Variants in ADGRL3 observed in about 807,000 individuals in gnomAD.
The protein encoded by ADGRL3 is adhesion G protein-coupled receptor L3.
ADGRL3 carries 62 observed loss-of-function variants against 153.5 expected under a neutral mutation model. The observed-to-expected ratio is 0.40, with a 90% confidence interval of 0.33 to 0.50. The LOEUF (loss-of-function observed/expected upper bound fraction) is 0.50. Ranked by LOEUF, ADGRL3 falls within the 20% of genes least tolerant of loss-of-function variation. ADGRL3 has a pLI of 0.47. For missense variants in ADGRL3, 1,641 were observed against 1,859.4 expected, an observed-to-expected ratio of 0.88 and a Z score of 2.16; for synonymous variants, 710 against 672.5, an observed-to-expected ratio of 1.06 and a Z score of -0.86.
chr4:61,772,578 G>C (rs1580751189), intron 8 of ADGRL3, among the ~76,000 whole-genome samples: 1 of 152,150 alleles, frequency 6.6e-6, no homozygotes. Context: ...ATTTGATGAA[G>C]TGTGCAGTTA....
At chr4:61,827,720 T>C (rs926398630) in intron 9 of ADGRL3, among the ~76,000 whole-genome samples, 1 of 152,212 alleles carries the variant, frequency 6.6e-6, no homozygotes, top group South Asian at 2.1e-4. Flanking sequence ...TTAGAATTGT[T>C]GGACATGTCA....
intron 19 of ADGRL3, among the ~76,000 whole-genome samples, chr4:61,984,760 C>T (rs1445770290): frequency 6.6e-6 from 1 of 152,116 alleles, no homozygotes; most frequent in Non-Finnish European, 1.5e-5. Flanking sequence ...GATCCACCTG[C>T]CTCAGCCTCC....
Position 61,730,625 on chromosome 4 carries a change from TG to T in ADGRL3, c.589del (p.Glu197AsnfsTer11). On this transcript the variant is annotated frameshift_variant, in exon 7 of 27. Coordinates refer to ENST00000683033, the MANE Select transcript of ADGRL3 (RefSeq NM_001387552.1). LOFTEE classifies it high-confidence loss of function. The part of the protein sequence containing the change: ...EVQYECVPYK[V>X]EQKVFLCPGL... Reference sequence around the variant, plus strand: ...TTTACTTCTCTCTCTCCAATAGAAGTGGAACAAAAAGGTAATTAAATACCTT... The same window carrying T: ...TTTACTTCTCTCTCTCCAATAGAAGTGAACAAAAAGGTAATTAAATACCTT... 1 of 567,382 alleles carries T rather than the reference TG, an allele frequency of 1.8e-6. No individual in the cohort carries two copies. The highest frequency in any genetic ancestry group is 3.3e-5 in the South Asian group (1 of 30,362). 35.1% of individuals were successfully genotyped at this position (567,382 alleles called of 1,614,324 possible).
At chr4:61,518,859 C>A (rs890852419) in intron 4 of ADGRL3, among the ~76,000 whole-genome samples, 1 of 152,134 alleles carries the variant, frequency 6.6e-6, no homozygotes, top group Non-Finnish European at 1.5e-5. Context: ...TTTTCCCTTT[C>A]TGTTTTATTT....
At chr4:62,024,802 C>T (rs995361543) in intron 21 of ADGRL3, among the ~76,000 whole-genome samples, 3 of 151,758 alleles carry the variant, frequency 2.0e-5, no homozygotes, top group East Asian at 1.9e-4. Context: ...TGGTGGTATG[C>T]GCCTGTATTC....
intron 1 of ADGRL3, among the ~76,000 whole-genome samples, chr4:61,252,309 A>C (rs1233423729): frequency 2.6e-5 from 4 of 152,180 alleles, no homozygotes; most frequent in Non-Finnish European, 4.4e-5. Context: ...TAAAAGCTAT[A>C]AGGAACAACA....
rs1295089209 is a variant in ADGRL3 at position 62,075,532 on chromosome 4, G to A, written c.*4624G>A. 2 of 152,118 alleles carry A rather than the reference G, an allele frequency of 1.3e-5. No individual in the cohort carries two copies. Among genetic ancestry groups the A allele is most frequent in the Non-Finnish European group, 2.9e-5 (2 of 68,024 alleles). The allele number at this position is 152,118 out of a possible 1,614,324, so 9.4% of individuals were successfully genotyped here. A position where few individuals can be genotyped will look rare whatever the true frequency, so the allele number is the denominator to read the frequency against. ...AAATTTTTGAGATAACAATATATAT[G>A]AAGTTCCCAGTACATTGTAGACCAA... On this transcript the variant is annotated 3_prime_UTR_variant, in exon 27 of 27. Coordinates refer to ENST00000683033, the MANE Select transcript of ADGRL3 (RefSeq NM_001387552.1).
At chr4:61,387,648 G>C (rs1174560959) in intron 2 of ADGRL3, among the ~76,000 whole-genome samples, 2 of 152,140 alleles carry the variant, frequency 1.3e-5, no homozygotes, top group Non-Finnish European at 2.9e-5. Flanking sequence ...TGGCTCACCG[G>C]TGGTCAGAGT....
intron 6 of ADGRL3, among the ~76,000 whole-genome samples, chr4:61,699,436 CAG>C (rs1487355125): frequency 6.6e-6 from 1 of 152,082 alleles, no homozygotes; most frequent in East Asian, 1.9e-4. Context: ...CTGAGCACAG[CAG>C]GAAACAAAAT....
chr4:61,305,715 G>A (rs2094756559), intron 1 of ADGRL3, among the ~76,000 whole-genome samples: 1 of 152,068 alleles, frequency 6.6e-6, no homozygotes, highest in Non-Finnish European at 1.5e-5. Context: ...GCGTCAAGCA[G>A]TTAAGGCTTT....
chr4:61,589,817 C>G (rs1224293631), intron 5 of ADGRL3, among the ~76,000 whole-genome samples: 1 of 152,096 alleles, frequency 6.6e-6, no homozygotes, highest in African/African-American at 2.4e-5. Context: ...ATAAATTAAA[C>G]TGCATACTGA....
At chr4:61,668,809 G>C (rs10007614) in intron 5 of ADGRL3, among the ~76,000 whole-genome samples, 53,743 of 151,908 alleles carry the variant, frequency 0.35, 10,003 homozygotes, top group East Asian at 0.53. Flanking sequence ...CTTGAGCCCA[G>C]GAGTTTGAGA....
At chr4:61,510,460 C>T (rs2098457507) in intron 3 of ADGRL3, among the ~76,000 whole-genome samples, 3 of 152,096 alleles carry the variant, frequency 2.0e-5, no homozygotes, top group African/African-American at 4.8e-5. Context: ...GGCCTTGTTT[C>T]ATTATTTTGC....
rs560147975 is a variant in ADGRL3 at position 61,916,944 on chromosome 4, C to G, written c.2112+4187C>G. Among the ~76,000 whole-genome samples the G allele has an allele frequency of 5.6e-4, 85 of 151,794 alleles. 1 individual carries two copies. Among genetic ancestry groups the G allele is most frequent in the Middle Eastern group, 6.9e-3 (2 of 290 alleles). On this transcript the variant is annotated intron_variant, in intron 13 of 26. Coordinates refer to ENST00000683033, the MANE Select transcript of ADGRL3 (RefSeq NM_001387552.1). ...CTCCAGCCTGGGCGACAGAGTGAGACTCCATCTCCAAAAAAAAATAAAAAT... is the reference window on the plus strand; with the variant it reads ...CTCCAGCCTGGGCGACAGAGTGAGAGTCCATCTCCAAAAAAAAATAAAAAT...
intron 1 of ADGRL3, among the ~76,000 whole-genome samples, chr4:61,300,492 G>A (rs2094544905): frequency 6.6e-6 from 1 of 152,132 alleles, no homozygotes; most frequent in South Asian, 2.1e-4. Flanking sequence ...CACTGCAGAG[G>A]CCATGACATA....
chr4:61,517,981 T>C (rs2098507919), intron 4 of ADGRL3, among the ~76,000 whole-genome samples: 1 of 152,162 alleles, frequency 6.6e-6, no homozygotes, highest in Admixed American at 6.5e-5. Context: ...AGCGTAAAAC[T>C]TGGTAAAAAA....
intron 9 of ADGRL3, among the ~76,000 whole-genome samples, chr4:61,857,351 A>C (rs1006144286): frequency 1.3e-5 from 2 of 152,154 alleles, no homozygotes; most frequent in Non-Finnish European, 2.9e-5. Flanking sequence ...ATTAGGCTAG[A>C]GTAAGTAAGG....
chr4:61,591,128 A>G (rs2098967431), intron 5 of ADGRL3, among the ~76,000 whole-genome samples: 1 of 152,150 alleles, frequency 6.6e-6, no homozygotes, highest in South Asian at 2.1e-4. Flanking sequence ...CCCTATCCTG[A>G]TTTGAAAAAC....
intron 16 of ADGRL3, among the ~76,000 whole-genome samples, chr4:61,947,448 G>A (rs1415407712): frequency 6.6e-6 from 1 of 152,154 alleles, no homozygotes; most frequent in East Asian, 1.9e-4. Context: ...CTGTATTTGG[G>A]ATTCATGTGA....
Sources: gnomAD v4.1 joint callset for allele counts (sites outside exome capture counted in the v4.1 genomes callset) on GRCh38, gnomAD v4.1.1 for gene constraint, MANE v1.5 for transcripts, NCBI Gene and HGNC (gene_info 2026-07-23, HGNC 2026-07-21) for gene names.